The following SERPINE2 variants were observed in gnomAD, a reference collection of about 807,000 sequenced individuals.
SERPINE2 encodes the protein glia-derived nexin.
In SERPINE2, 14 loss-of-function variants were observed where a neutral mutation model predicts 36.3. That is an observed-to-expected ratio of 0.39 (90% CI 0.25 to 0.60). The LOEUF (loss-of-function observed/expected upper bound fraction) is 0.60, where lower values mean the gene tolerates loss of function less well. Ranked by LOEUF, SERPINE2 falls within the 20% of genes least tolerant of loss-of-function variation. The pLI is 0.57. For synonymous variants in SERPINE2, 192 were observed against 191.8 expected (o/e 1.00, Z -0.01); for missense variants, 418 against 499.6 (o/e 0.84, Z 1.56).
chr2:224,035,917 A>C (rs1029441988), intron 1 of SERPINE2, among the ~76,000 whole-genome samples: 4 of 152,124 alleles, frequency 2.6e-5, no homozygotes, highest in Non-Finnish European at 4.4e-5. Context: ...GACAGCCTGC[A>C]TGTGGGCAGT....
intron 1 of SERPINE2, among the ~76,000 whole-genome samples, chr2:224,009,082 A>C (rs1310316788): frequency 6.6e-6 from 1 of 152,154 alleles, no homozygotes; most frequent in South Asian, 2.1e-4. Context: ...GAGCCTCCTG[A>C]ATCAAGCCCA....
rs115414848 is a variant in SERPINE2 at position 224,012,663 on chromosome 2, T to C, written c.-22-10741A>G. Among the ~76,000 whole-genome samples the C allele has an allele frequency of 6.0e-3, 912 of 152,076 alleles. 8 individuals carry two copies. The highest frequency in any genetic ancestry group is 0.021 in the African/African-American group (859 of 41,444). On this transcript the variant is annotated intron_variant, in intron 1 of 8. Coordinates refer to ENST00000409304, the MANE Select transcript of SERPINE2 (RefSeq NM_001136528.2). ...AAGACTAACAGGACAGATATTAAAA[T>C]ATCTATATAGTTATTTCTGATGGTG...
At chr2:224,021,626 G>C (rs1260465970) in intron 1 of SERPINE2, among the ~76,000 whole-genome samples, 1 of 152,242 alleles carries the variant, frequency 6.6e-6, no homozygotes, top group Non-Finnish European at 1.5e-5. Flanking sequence ...GTAAGAGGAG[G>C]TGAAAATCAG....
chr2:224,001,238 C>T (rs555498397), intron 2 of SERPINE2, among the ~76,000 whole-genome samples: 3 of 152,286 alleles, frequency 2.0e-5, no homozygotes, highest in East Asian at 3.9e-4. Flanking sequence ...TCCATCACTA[C>T]GAGGCCCCTG....
intron 1 of SERPINE2, among the ~76,000 whole-genome samples, chr2:224,011,458 T>C (rs1361364327): frequency 6.6e-6 from 1 of 152,224 alleles, no homozygotes; most frequent in Non-Finnish European, 1.5e-5. Context: ...AGTACCTAGA[T>C]ACATTTTAAG....
chr2:223,978,505 G>A (rs1350319859), intron 7 of SERPINE2: 1 of 152,228 alleles, frequency 6.6e-6, no homozygotes, highest in Non-Finnish European at 1.5e-5. Context: ...ACCAGGTGTA[G>A]GCATCTGACT....
intron 1 of SERPINE2, among the ~76,000 whole-genome samples, chr2:224,018,266 T>G (rs1255609215): frequency 2.6e-5 from 4 of 152,196 alleles, no homozygotes; most frequent in Non-Finnish European, 5.9e-5. Context: ...AGTGTTTTCC[T>G]ACCAGCCTGA....
At chr2:223,996,791 C>T (rs981088183) in intron 3 of SERPINE2, among the ~76,000 whole-genome samples, 6 of 152,200 alleles carry the variant, frequency 3.9e-5, no homozygotes, top group Non-Finnish European at 7.3e-5. Flanking sequence ...AAAAAAGGCT[C>T]TATAGCCAGG....
At chr2:223,997,091 TAAAAA>T (rs1690919257) in intron 3 of SERPINE2, among the ~76,000 whole-genome samples, 1 of 151,768 alleles carries the variant, frequency 6.6e-6, no homozygotes, top group African/African-American at 2.4e-5. Context: ...AAATTAAAAA[TAAAAA>T]AAAGGTCCCA....
Position 224,029,936 on chromosome 2 carries a change from A to T in SERPINE2, c.-23+9163T>A, listed in dbSNP as rs768489422. 147 of 484,016 alleles carry T rather than the reference A, an allele frequency of 3.0e-4. 1 individual carries two copies. The highest frequency in any genetic ancestry group is 3.2e-4 in the Admixed American group (5 of 15,674). The allele number at this position is 484,016 out of a possible 1,614,324, so 30.0% of individuals were successfully genotyped here. ...GTTTTTGAATTCCGAGCCTCAAGTGATCTGCCCACCTCAGCCTCCCAAACT... is the reference window on the plus strand; with the variant it reads ...GTTTTTGAATTCCGAGCCTCAAGTGTTCTGCCCACCTCAGCCTCCCAAACT... On this transcript the variant is annotated intron_variant, in intron 1 of 8. Transcript: ENST00000409304.
chr2:224,021,569 T>C (rs1359233883), intron 1 of SERPINE2, among the ~76,000 whole-genome samples: 1 of 152,162 alleles, frequency 6.6e-6, no homozygotes. Flanking sequence ...TTACTTAACA[T>C]GAAATAACAC....
At chr2:223,987,207 A>G (rs146547644) in intron 4 of SERPINE2, among the ~76,000 whole-genome samples, 28 of 152,304 alleles carry the variant, frequency 1.8e-4, no homozygotes, top group African/African-American at 6.0e-4. Flanking sequence ...CAACACATAC[A>G]AAGTGCTCAG....
intron 1 of SERPINE2, among the ~76,000 whole-genome samples, chr2:224,017,065 A>G (rs1321108295): frequency 1.3e-5 from 2 of 152,332 alleles, no homozygotes; most frequent in East Asian, 3.9e-4. Context: ...TGGTGCCCAC[A>G]CAAGTCCATA....
At chr2:224,001,143 T>A (rs995927024) in intron 2 of SERPINE2, among the ~76,000 whole-genome samples, 12 of 152,168 alleles carry the variant, frequency 7.9e-5, no homozygotes, top group Non-Finnish European at 1.6e-4. Flanking sequence ...ACACTCCTGT[T>A]GTGGGCTTGG....
intron 1 of SERPINE2, chr2:224,031,046 G>A (rs1692346074): frequency 4.1e-6 from 4 of 984,946 alleles, no homozygotes; most frequent in Admixed American, 6.1e-5. Context: ...GCAGCACGGC[G>A]AGGAGGTAGT....
At position 223,982,692 on chromosome 2, in the gene SERPINE2, G is replaced by A; in HGVS notation, c.974C>T (p.Ala325Val). ...TAAATTGAACATACTTGTTATTTTT[G>A]CAAAATTTGCCTTTGATGAATCAAA... ...DMFDSSKANF[A>V]KITRSENLHV... Residue 325 changes from alanine (A) to valine (V), a missense_variant, in exon 6 of 9, where the codon GCA becomes GTA. Coordinates refer to ENST00000409304, the MANE Select transcript of SERPINE2 (RefSeq NM_001136528.2). The A allele has an allele frequency of 6.2e-7, 1 of 1,607,694 alleles. No individual in the cohort carries two copies. The highest frequency in any genetic ancestry group is 8.5e-7 in the Non-Finnish European group (1 of 1,176,466).
At chr2:224,005,065 T>TTATATATTTATATTTATATATATATA in intron 1 of SERPINE2, among the ~76,000 whole-genome samples, 1 of 33,578 alleles carries the variant, frequency 3.0e-5, no homozygotes, top group African/African-American at 1.0e-4. Flanking sequence ...TTTATATATA[T>TTATATATTTATATTTATATATATATA]TATATATATA....
chr2:223,994,661 T>G (rs1690807146), intron 3 of SERPINE2, among the ~76,000 whole-genome samples: 1 of 152,164 alleles, frequency 6.6e-6, no homozygotes, highest in Non-Finnish European at 1.5e-5. Flanking sequence ...GAAGTGGAAT[T>G]ACTCAAGGCT....
intron 3 of SERPINE2, 139 bp downstream of exon 3, chr2:223,997,976 A>C (rs1690959497): frequency 1.5e-6 from 1 of 678,900 alleles, no homozygotes; most frequent in African/African-American, 1.8e-5. Context: ...AGGGAGACTG[A>C]ATAGAGCTTC....
Sources: gnomAD v4.1 joint callset for allele counts (sites outside exome capture counted in the v4.1 genomes callset) on GRCh38, gnomAD v4.1.1 for gene constraint, MANE v1.5 for transcripts, NCBI Gene and HGNC (gene_info 2026-07-23, HGNC 2026-07-21) for gene names.